PARD3B: variants seen among roughly 807,000 people sequenced by gnomAD.
PARD3B encodes partitioning defective 3 homolog B.
A neutral mutation model predicts 130.2 loss-of-function variants in PARD3B; 103 were observed. The observed-to-expected ratio is 0.79, with a 90% confidence interval of 0.67 to 0.93. The LOEUF is 0.93. PARD3B is among the 40% of genes least tolerant of loss of function. PARD3B has a pLI of 0.00. For missense variants in PARD3B, 1,609 were observed against 1,499.2 expected (o/e 1.07, Z -1.21); for synonymous variants, 583 against 553.2 (o/e 1.05, Z -0.76).
At chr2:205,212,131 AAT>A (rs2125850915) in intron 15 of PARD3B, among the ~76,000 whole-genome samples, 1 of 152,220 alleles carries the variant, frequency 6.6e-6, no homozygotes, top group South Asian at 2.1e-4. Flanking sequence ...ACTTGAGGCT[AAT>A]AGTACCACCT....
chr2:204,670,170 A>G (rs1017790474), intron 1 of PARD3B, among the ~76,000 whole-genome samples: 49 of 152,334 alleles, frequency 3.2e-4, no homozygotes, highest in African/African-American at 1.0e-3. Flanking sequence ...TAATGCTTAC[A>G]CATGGTTTAA....
chr2:204,795,877 G>C (rs2042355951), intron 2 of PARD3B, among the ~76,000 whole-genome samples: 1 of 152,122 alleles, frequency 6.6e-6, no homozygotes, highest in East Asian at 1.9e-4. Flanking sequence ...TATTTTAAAA[G>C]AAAGATTGTG....
intron 2 of PARD3B, among the ~76,000 whole-genome samples, chr2:204,702,205 T>C (rs2037928054): frequency 6.6e-6 from 1 of 152,206 alleles, no homozygotes; most frequent in Non-Finnish European, 1.5e-5. Flanking sequence ...GCTGTGAACA[T>C]GTGAGTTTAT....
At chr2:205,425,532 T>C (rs867086859) in intron 19 of PARD3B, among the ~76,000 whole-genome samples, 1 of 137,670 alleles carries the variant, frequency 7.3e-6, no homozygotes, top group African/African-American at 2.7e-5. Context: ...TAGTTTAGAA[T>C]ATGAAATAGA....
At chr2:205,394,183 A>G (rs2105987990) in intron 18 of PARD3B, among the ~76,000 whole-genome samples, 1 of 152,196 alleles carries the variant, frequency 6.6e-6, no homozygotes, top group Admixed American at 6.5e-5. Context: ...GGCTGTTCAC[A>G]ACCCCCCTAC....
At chr2:205,445,793 A>G (rs975711770) in intron 20 of PARD3B, among the ~76,000 whole-genome samples, 1 of 152,214 alleles carries the variant, frequency 6.6e-6, no homozygotes, top group Non-Finnish European at 1.5e-5. Flanking sequence ...TGAAGCTGAT[A>G]TGGGTCCAGT....
intron 2 of PARD3B, among the ~76,000 whole-genome samples, chr2:204,698,268 T>C (rs1486290382): frequency 6.6e-6 from 1 of 152,164 alleles, no homozygotes; most frequent in African/African-American, 2.4e-5. Flanking sequence ...TTAGGACATA[T>C]TTGTCCTAAC....
intron 21 of PARD3B, among the ~76,000 whole-genome samples, chr2:205,503,650 A>G (rs1276029350): frequency 6.6e-6 from 1 of 152,152 alleles, no homozygotes; most frequent in African/African-American, 2.4e-5. Context: ...TGACTTGGCA[A>G]TGCGGGCTCT....
At chr2:205,566,751 A>G (rs2053351747) in intron 22 of PARD3B, among the ~76,000 whole-genome samples, 1 of 152,216 alleles carries the variant, frequency 6.6e-6, no homozygotes, top group South Asian at 2.1e-4. Flanking sequence ...ATCAGGGGTG[A>G]TGATGTAATA....
intron 4 of PARD3B, among the ~76,000 whole-genome samples, chr2:205,090,044 C>T (rs1434158): frequency 0.38 from 57,761 of 152,056 alleles, 11,552 homozygotes; most frequent in Admixed American, 0.52. Flanking sequence ...GTACCCTCAG[C>T]TACAGAATTA....
intron 2 of PARD3B, among the ~76,000 whole-genome samples, chr2:204,841,526 T>G (rs1309385625): frequency 6.6e-6 from 1 of 152,184 alleles, no homozygotes; most frequent in South Asian, 2.1e-4. Flanking sequence ...GGGATGTTAC[T>G]GTCAGTGCCT....
rs2043533690 is a variant in PARD3B at position 205,341,605 on chromosome 2, G to T, written c.2630+39904G>T. Among the ~76,000 whole-genome samples the T allele has an allele frequency of 6.6e-6, 1 of 152,106 alleles. No homozygotes were observed. The highest frequency in any genetic ancestry group is 2.4e-5 in the African/African-American group (1 of 41,450). On this transcript the variant is annotated intron_variant, in intron 18 of 22. Coordinates refer to ENST00000406610, the MANE Select transcript of PARD3B (RefSeq NM_001302769.2). This position sits in a 1 kb window ranked among gnomAD's most constrained non-coding sequence, Gnocchi z 4.3. The stretch of plus-strand genomic sequence containing the variant: ...TTAGAGGCTGGGAAGCATGGGGGAA[G>T]GAGAGGGTAGGGAGAGGTTGGTTAA...
chr2:204,897,811 T>C (rs191519890), intron 2 of PARD3B, among the ~76,000 whole-genome samples: 460 of 151,914 alleles, frequency 3.0e-3, no homozygotes, highest in Non-Finnish European at 5.5e-3. Flanking sequence ...AATCGGAATG[T>C]TGTGGTAGTC....
At chr2:205,193,796 G>A (rs2036525621) in intron 15 of PARD3B, among the ~76,000 whole-genome samples, 2 of 152,204 alleles carry the variant, frequency 1.3e-5, no homozygotes. Context: ...CATCAGTGCA[G>A]AAGATTCAGC....
intron 2 of PARD3B, among the ~76,000 whole-genome samples, chr2:204,716,903 T>C (rs2125311779): frequency 6.6e-6 from 1 of 152,296 alleles, no homozygotes; most frequent in Admixed American, 6.5e-5. Context: ...ATTACAGGCG[T>C]GAGCCACCGC....
At chr2:205,238,849 A>AAAATATATATATATAT (rs1273582854) in intron 15 of PARD3B, among the ~76,000 whole-genome samples, 1 of 76,916 alleles carries the variant, frequency 1.3e-5, no homozygotes, top group Non-Finnish European at 2.3e-5. Flanking sequence ...AAAAAAAAAA[A>AAAATATATATATATAT]ATATATATAT....
intron 21 of PARD3B, among the ~76,000 whole-genome samples, chr2:205,541,248 T>TAA (rs2052113875): frequency 6.6e-6 from 1 of 152,060 alleles, no homozygotes; most frequent in Non-Finnish European, 1.5e-5. Context: ...CTTTTGCAGC[T>TAA]TTTCTCTGTT....
At chr2:205,536,141 T>C (rs1169313339) in intron 21 of PARD3B, among the ~76,000 whole-genome samples, 1 of 152,116 alleles carries the variant, frequency 6.6e-6, no homozygotes, top group Non-Finnish European at 1.5e-5. Context: ...CCTTTACAGG[T>C]ATTAGCTATG....
intron 2 of PARD3B, among the ~76,000 whole-genome samples, chr2:204,872,975 G>A (rs1434778515): frequency 2.0e-5 from 3 of 152,094 alleles, no homozygotes; most frequent in Admixed American, 6.6e-5. Flanking sequence ...GTAGGGAGGT[G>A]GTTCTTGATT....
Sources: allele counts gnomAD v4.1 joint callset (sites outside exome capture counted in the v4.1 genomes callset), GRCh38; gene constraint gnomAD v4.1.1; non-coding constraint Gnocchi (gnomAD v3.1); transcripts MANE v1.5; gene names NCBI Gene and HGNC (gene_info 2026-07-23, HGNC 2026-07-21).